RARB: variants seen among roughly 807,000 people sequenced by gnomAD.
The protein encoded by RARB is retinoic acid receptor beta, also known as HBV-activated protein.
Under a neutral mutation model 51.9 loss-of-function variants are expected in RARB, and 17 were observed. That is an observed-to-expected ratio of 0.33 (90% CI 0.22 to 0.49). RARB has a LOEUF of 0.49. Among genes scored for constraint, RARB ranks in the 20% least tolerant of loss-of-function variants. The probability of loss-of-function intolerance (pLI) is 0.99; values close to 1 mark genes in which losing one functional copy is unlikely to be tolerated. For synonymous variants in RARB, 215 were observed against 195.4 expected (o/e 1.10, Z -0.84); for missense variants, 369 against 550.8 (o/e 0.67, Z 3.30).
chr3:25,309,313 T>A (rs1325212028), intron 5 of RARB, among the ~76,000 whole-genome samples: 1 of 150,244 alleles, frequency 6.7e-6, no homozygotes, highest in Admixed American at 6.6e-5. Context: ...TTTTTGTTTT[T>A]TTTTTTTAGC....
intron 2 of RARB, among the ~76,000 whole-genome samples, chr3:24,927,475 A>C (rs1056304495): frequency 2.6e-5 from 4 of 152,110 alleles, no homozygotes; most frequent in Non-Finnish European, 5.9e-5. Context: ...CTCTTTGGTT[A>C]GGGATGTATT....
chr3:24,997,046 G>T (rs917987412), intron 2 of RARB, among the ~76,000 whole-genome samples: 3 of 151,070 alleles, frequency 2.0e-5, no homozygotes, highest in African/African-American at 7.4e-5. Context: ...CGAATATTGA[G>T]AGTGGGATAT....
At chr3:25,261,863 G>A (rs1575267074) in intron 5 of RARB, among the ~76,000 whole-genome samples, 1 of 151,998 alleles carries the variant, frequency 6.6e-6, no homozygotes. Context: ...AAAATTCGGT[G>A]CTTCCTTTCT....
chr3:25,337,976 A>C lies in RARB; in HGVS notation c.179-123217A>C, dbSNP rs1044652078. Among the ~76,000 whole-genome samples, 7 of 152,082 alleles carry C rather than the reference A, an allele frequency of 4.6e-5. No individual in the cohort carries two copies. In the East Asian group the frequency reaches 1.3e-3, roughly 29 times the overall value. On this transcript the variant is annotated intron_variant, in intron 5 of 11. Transcript: ENST00000383772. Reference sequence around the variant, plus strand: ...AAAGCGTAGGTCAATTAGATCTAAAAACTGTAATTTATCTCTACAAACATT... The same window carrying C: ...AAAGCGTAGGTCAATTAGATCTAAACACTGTAATTTATCTCTACAAACATT...
chr3:25,328,217 C>T (rs1018371225), intron 5 of RARB, among the ~76,000 whole-genome samples: 18 of 152,174 alleles, frequency 1.2e-4, no homozygotes, highest in Admixed American at 3.3e-4. Flanking sequence ...AACGGATGAG[C>T]GATTTAAGTA....
intron 2 of RARB, among the ~76,000 whole-genome samples, chr3:25,049,780 C>T (rs749510948): frequency 1.1e-4 from 17 of 152,126 alleles, no homozygotes; most frequent in African/African-American, 3.9e-4. Context: ...TGGATGATTC[C>T]CTGCAAATTT....
At chr3:25,532,055 C>G (rs1457813979) in intron 3 of RARB, among the ~76,000 whole-genome samples, 2 of 152,102 alleles carry the variant, frequency 1.3e-5, no homozygotes, top group Non-Finnish European at 2.9e-5. Context: ...AATAATGGTT[C>G]TATACAGCTC....
intron 5 of RARB, among the ~76,000 whole-genome samples, chr3:25,232,973 CTTT>C (rs71061205): frequency 1.7e-5 from 2 of 118,768 alleles, no homozygotes; most frequent in Non-Finnish European, 1.7e-5. Flanking sequence ...TTTTCTTTTT[CTTT>C]TTTTTTTTTT....
intron 2 of RARB, among the ~76,000 whole-genome samples, chr3:24,913,034 G>A (rs1695027796): frequency 7.4e-6 from 1 of 134,592 alleles, no homozygotes; most frequent in Non-Finnish European, 1.5e-5. Context: ...AGGCTGGAGT[G>A]CAGTGGCGCC....
chr3:25,086,159 A>G (rs937832756), intron 3 of RARB, among the ~76,000 whole-genome samples: 3 of 152,186 alleles, frequency 2.0e-5, no homozygotes, highest in African/African-American at 7.2e-5. Context: ...TCCATATCAT[A>G]TCCACTCATA....
At chr3:25,433,119 C>A (rs1032601688) in intron 1 of RARB, among the ~76,000 whole-genome samples, 1 of 152,126 alleles carries the variant, frequency 6.6e-6, no homozygotes, top group African/African-American at 2.4e-5. Flanking sequence ...AAAATCTTGG[C>A]TGAAAACCTT....
chr3:24,872,716 C>A (rs1702971224), intron 2 of RARB, among the ~76,000 whole-genome samples: 1 of 152,168 alleles, frequency 6.6e-6, no homozygotes, highest in South Asian at 2.1e-4. Flanking sequence ...GGTCCGCTCC[C>A]ATGACCCAAA....
chr3:24,868,744 C>A lies in RARB; in HGVS notation c.-380+9992C>A, dbSNP rs150497133. ...GTGATAAAACCTTGGTCTCCACAACCCGTTATCTTAACCCAGACATTCCTA... is the reference window on the plus strand; with the variant it reads ...GTGATAAAACCTTGGTCTCCACAACACGTTATCTTAACCCAGACATTCCTA... On this transcript the variant is annotated intron_variant, in intron 2 of 11. Transcript: ENST00000383772. Among the ~76,000 whole-genome samples the A allele has an allele frequency of 5.3e-5, 8 of 152,310 alleles. No individual in the cohort carries two copies. The East Asian group carries it at 1.5e-3, about 29-fold the overall frequency.
At chr3:25,328,469 G>A (rs1332197457) in intron 5 of RARB, among the ~76,000 whole-genome samples, 1 of 152,228 alleles carries the variant, frequency 6.6e-6, no homozygotes, top group East Asian at 1.9e-4. Context: ...GCAGTGAGCT[G>A]AGATCATGCC....
At chr3:25,397,977 A>AT (rs1266669545) in intron 5 of RARB, among the ~76,000 whole-genome samples, 1 of 152,142 alleles carries the variant, frequency 6.6e-6, no homozygotes, top group African/African-American at 2.4e-5. Flanking sequence ...AAATGATATA[A>AT]TTTTTCCTAT....
rs1036452361 is a variant in RARB, at chr3:25,305,758, T to C, written c.178+131183T>C. Among the ~76,000 whole-genome samples, 8 of 152,162 alleles carry C rather than the reference T, an allele frequency of 5.3e-5. No homozygotes were observed. In the East Asian group the frequency reaches 1.5e-3, roughly 29 times the overall value. ...GAGCTTGGGCCTCAACAAAAATTTC[T>C]TCAAAAAGGGCAAAATGTCACACAG... On this transcript the variant is annotated intron_variant, in intron 5 of 11. Coordinates refer to the RARB transcript ENST00000383772.
intron 5 of RARB, among the ~76,000 whole-genome samples, chr3:25,258,698 T>C (rs1702926468): frequency 6.6e-6 from 1 of 152,132 alleles, no homozygotes; most frequent in Admixed American, 6.6e-5. Flanking sequence ...CTGGGAAGTC[T>C]AAGATGAGCA....
At chr3:25,301,366 G>T (rs534916733) in intron 5 of RARB, among the ~76,000 whole-genome samples, 2 of 152,276 alleles carry the variant, frequency 1.3e-5, no homozygotes, top group East Asian at 3.9e-4. Context: ...ACAGACTGAT[G>T]TTGAGGCAGC....
chr3:24,980,961 CT>C (rs1696652886), intron 2 of RARB, among the ~76,000 whole-genome samples: 1 of 152,130 alleles, frequency 6.6e-6, no homozygotes, highest in Admixed American at 6.5e-5. Flanking sequence ...TGTGGATGTC[CT>C]TTTTGTTGAT....
Sources: allele counts gnomAD v4.1 joint callset (sites outside exome capture counted in the v4.1 genomes callset), GRCh38; gene constraint gnomAD v4.1.1; transcripts MANE v1.5; gene names NCBI Gene and HGNC (gene_info 2026-07-23, HGNC 2026-07-21).